The following C1orf185 variants were observed in gnomAD, a reference collection of about 807,000 sequenced individuals.
C1orf185 encodes uncharacterized protein C1orf185.
C1orf185 carries 13 observed loss-of-function variants against 16.1 expected under a neutral mutation model. That is an observed-to-expected ratio of 0.81 (90% CI 0.53 to 1.28). The LOEUF is 1.28. Ranked by LOEUF, C1orf185 falls within the 50% of genes most tolerant of loss-of-function variation. The probability of loss-of-function intolerance (pLI) is 0.00; values close to 1 mark genes in which losing one functional copy is unlikely to be tolerated. For synonymous variants in C1orf185, 80 were observed against 76.9 expected, an observed-to-expected ratio of 1.04 and a Z score of -0.21; for missense variants, 220 against 225.2, an observed-to-expected ratio of 0.98 and a Z score of 0.15.
At chr1:51,105,755 C>A (rs1343598296) in intron 1 of C1orf185, among the ~76,000 whole-genome samples, 2 of 151,902 alleles carry the variant, frequency 1.3e-5, no homozygotes, top group Non-Finnish European at 2.9e-5. Context: ...AGAGTGGAGT[C>A]AAAAAAGTAA....
intron 3 of C1orf185, among the ~76,000 whole-genome samples, chr1:51,135,268 A>T (rs139613874): frequency 6.6e-6 from 1 of 152,282 alleles, no homozygotes; most frequent in African/African-American, 2.4e-5. Flanking sequence ...GACTGGGCAC[A>T]GTGGCTCATG....
intron 3 of C1orf185, among the ~76,000 whole-genome samples, chr1:51,143,294 T>C (rs1391377210): frequency 6.6e-6 from 1 of 152,150 alleles, no homozygotes; most frequent in Non-Finnish European, 1.5e-5. Context: ...TGTAGCAAAA[T>C]GGTGATTTTC....
intron 2 of C1orf185, among the ~76,000 whole-genome samples, chr1:51,113,427 T>TA (rs1459231722): frequency 6.6e-6 from 1 of 151,946 alleles, no homozygotes; most frequent in African/African-American, 2.4e-5. Context: ...CTCACACCTA[T>TA]AATCCCAGCA....
At chr1:51,119,521 G>A (rs980751239) in intron 3 of C1orf185, among the ~76,000 whole-genome samples, 3 of 152,224 alleles carry the variant, frequency 2.0e-5, no homozygotes, top group East Asian at 1.9e-4. Flanking sequence ...GCTGGCCATG[G>A]CAGCTCATGC....
intron 1 of C1orf185, among the ~76,000 whole-genome samples, chr1:51,109,775 G>T (rs984815967): frequency 6.6e-6 from 1 of 152,112 alleles, no homozygotes; most frequent in Non-Finnish European, 1.5e-5. Flanking sequence ...CCAATGCTAT[G>T]CTGTTTTGGT....
intron 3 of C1orf185, among the ~76,000 whole-genome samples, chr1:51,132,378 T>C (rs1158010549): frequency 6.6e-6 from 1 of 151,948 alleles, no homozygotes; most frequent in Non-Finnish European, 1.5e-5. Flanking sequence ...GACAAAATAG[T>C]CAGTATAGAA....
chr1:51,148,311 T>A (rs1570327001), downstream of C1orf185, among the ~76,000 whole-genome samples: 1 of 151,958 alleles, frequency 6.6e-6, no homozygotes, highest in Non-Finnish European at 1.5e-5. Context: ...TTAGTAGAGA[T>A]GAGGTTTCAC....
intron 3 of C1orf185, among the ~76,000 whole-genome samples, chr1:51,122,564 A>G (rs993345687): frequency 1.3e-5 from 2 of 152,212 alleles, no homozygotes; most frequent in African/African-American, 4.8e-5. Context: ...AGAGAGGTGC[A>G]TATGCTACTA....
Position 51,146,596 on chromosome 1 carries a change from T to C in C1orf185, c.295+836T>C, listed in dbSNP as rs115475582. ...TATTATATTTTCTAAAACAGCATAT[T>C]TTAATGGCAAATGTGCAGCCTAAAT... On this transcript the variant is annotated intron_variant, in intron 4 of 4. Coordinates refer to ENST00000371759, the MANE Select transcript of C1orf185 (RefSeq NM_001136508.2). Among the ~76,000 whole-genome samples the C allele has an allele frequency of 3.6e-3, 552 of 152,226 alleles. 6 individuals carry two copies. Among genetic ancestry groups the C allele is most frequent in the African/African-American group, 0.012 (516 of 41,556 alleles).
chr1:51,140,794 T>G (rs568387663), intron 3 of C1orf185, among the ~76,000 whole-genome samples: 1 of 152,354 alleles, frequency 6.6e-6, no homozygotes, highest in South Asian at 2.1e-4. Context: ...TATTACTTAT[T>G]TAATGTATCT....
chr1:51,127,884 TG>T (rs1233993872), intron 3 of C1orf185, among the ~76,000 whole-genome samples: 20 of 147,792 alleles, frequency 1.4e-4, no homozygotes, highest in African/African-American at 3.2e-4. Flanking sequence ...TTCTTTTCTT[TG>T]TTTTTTTTTT....
intron 3 of C1orf185, among the ~76,000 whole-genome samples, chr1:51,132,238 C>T (rs533969987): frequency 1.3e-5 from 2 of 152,276 alleles, no homozygotes; most frequent in South Asian, 4.1e-4. Context: ...CTGAACCAGG[C>T]TGAGATGGCT....
chr1:51,117,587 G>A (rs1246965164), intron 2 of C1orf185, among the ~76,000 whole-genome samples: 1 of 152,106 alleles, frequency 6.6e-6, no homozygotes, highest in Non-Finnish European at 1.5e-5. Flanking sequence ...TTTCCAGAAT[G>A]TCATATAGTT....
intron 1 of C1orf185, among the ~76,000 whole-genome samples, chr1:51,107,049 G>T (rs911846404): frequency 6.6e-6 from 1 of 152,146 alleles, no homozygotes; most frequent in Non-Finnish European, 1.5e-5. Context: ...GAGCCACCGC[G>T]CCTGGCCCAG....
At chr1:51,127,174 A>G (rs1429273473) in intron 3 of C1orf185, among the ~76,000 whole-genome samples, 1 of 152,218 alleles carries the variant, frequency 6.6e-6, no homozygotes, top group Admixed American at 6.5e-5. Flanking sequence ...ATATACATTC[A>G]ACCAACACCT....
intron 3 of C1orf185, among the ~76,000 whole-genome samples, chr1:51,130,991 C>T (rs753889865): frequency 6.6e-6 from 1 of 152,228 alleles, no homozygotes; most frequent in Non-Finnish European, 1.5e-5. Flanking sequence ...CAACCTCCAC[C>T]TCCCAGGTTC....
chr1:51,129,778 G>A (rs1369593379), intron 3 of C1orf185: 3 of 152,262 alleles, frequency 2.0e-5, no homozygotes, highest in African/African-American at 4.8e-5. Flanking sequence ...TCAGATGGCA[G>A]GGAGCAGAGA....
intron 3 of C1orf185, among the ~76,000 whole-genome samples, chr1:51,128,746 C>A (rs1242957451): frequency 1.3e-5 from 2 of 152,056 alleles, no homozygotes; most frequent in African/African-American, 4.8e-5. Flanking sequence ...TTATATTTCC[C>A]TGATGACTAA....
chr1:51,107,536 A>C (rs1336984435), intron 1 of C1orf185, among the ~76,000 whole-genome samples: 1 of 152,222 alleles, frequency 6.6e-6, no homozygotes, highest in African/African-American at 2.4e-5. Context: ...AAATCAGTAC[A>C]TAATTGGAAT....
Sources: allele counts gnomAD v4.1 joint callset (sites outside exome capture counted in the v4.1 genomes callset), GRCh38; gene constraint gnomAD v4.1.1; transcripts MANE v1.5; gene names NCBI Gene and HGNC (gene_info 2026-07-23, HGNC 2026-07-21).